The following TRAK2 variants were observed in gnomAD, a reference collection of about 807,000 sequenced individuals.
TRAK2 encodes trafficking kinesin protein 2, also known as trafficking kinesin-binding protein 2.
In TRAK2, 81 loss-of-function variants were observed where a neutral mutation model predicts 104.6. The observed-to-expected ratio is 0.77, with a 90% CI of 0.65 to 0.93. The LOEUF (loss-of-function observed/expected upper bound fraction) is 0.93, where lower values mean the gene tolerates loss of function less well. Among genes scored for constraint, TRAK2 ranks in the 40% least tolerant of loss-of-function variants. The pLI is 0.00. For synonymous variants in TRAK2, 406 were observed against 394.4 expected (o/e 1.03, Z -0.35); for missense variants, 1,002 against 1,089.0 (o/e 0.92, Z 1.12).
chr2:201,380,341 C>A lies in TRAK2; in HGVS notation c.*202G>T. On this transcript the variant is annotated 3_prime_UTR_variant, in exon 16 of 16. Coordinates refer to ENST00000332624, the MANE Select transcript of TRAK2 (RefSeq NM_015049.3). ...TTTTCTCCCTCTGAACACTCATGGC[C>A]CATTCATTTATACTTTCAATTTGCC... 1 of 609,994 alleles carries A rather than the reference C, an allele frequency of 1.6e-6. No individual in the cohort carries two copies. 37.8% of individuals were successfully genotyped at this position (609,994 alleles called of 1,614,324 possible). A position where few individuals can be genotyped will look rare whatever the true frequency, so the allele number is the denominator to read the frequency against.
chr2:201,392,442 T>A (rs1951456769), intron 10 of TRAK2, among the ~76,000 whole-genome samples: 1 of 152,178 alleles, frequency 6.6e-6, no homozygotes, highest in African/African-American at 2.4e-5. Flanking sequence ...TTTTTATTAA[T>A]TTTTTAATAC....
intron 7 of TRAK2, among the ~76,000 whole-genome samples, chr2:201,396,292 T>C (rs1407242559): frequency 6.6e-6 from 1 of 152,246 alleles, no homozygotes; most frequent in East Asian, 1.9e-4. Flanking sequence ...GTTTTCATGG[T>C]GGAGGAGAAA....
chr2:201,432,472 G>A (rs1951849800), intron 1 of TRAK2, among the ~76,000 whole-genome samples: 2 of 152,182 alleles, frequency 1.3e-5, no homozygotes, highest in South Asian at 4.1e-4. Flanking sequence ...TTAACAAGAA[G>A]CCAGCCTTTG....
chr2:201,425,394 G>T (rs10931946), intron 1 of TRAK2, among the ~76,000 whole-genome samples: 74,156 of 151,922 alleles, frequency 0.49, 19,617 homozygotes, highest in South Asian at 0.63. Context: ...TTCTAAGAAA[G>T]CATTTATTTA....
At chr2:201,398,521 C>T (rs1323699620) in intron 5 of TRAK2, among the ~76,000 whole-genome samples, 167 bp from the exon 6 acceptor site, 1 of 152,042 alleles carries the variant, frequency 6.6e-6, no homozygotes, top group Non-Finnish European at 1.5e-5. Context: ...GAATAACAAA[C>T]CCCAGATACC....
chr2:201,423,120 G>GCT (rs1951757749), intron 1 of TRAK2, among the ~76,000 whole-genome samples: 3 of 147,754 alleles, frequency 2.0e-5, no homozygotes, highest in Non-Finnish European at 4.5e-5. Flanking sequence ...TGTCACCCAG[G>GCT]CTGGTGTGCA....
At chr2:201,449,013 C>T (rs2125665986) in intron 1 of TRAK2, among the ~76,000 whole-genome samples, 1 of 152,276 alleles carries the variant, frequency 6.6e-6, no homozygotes, top group African/African-American at 2.4e-5. Context: ...TGCAGACTCA[C>T]AAAACCTGTA....
At chr2:201,424,434 T>C (rs1353536809) in intron 1 of TRAK2, among the ~76,000 whole-genome samples, 6 of 152,300 alleles carry the variant, frequency 3.9e-5, no homozygotes, top group East Asian at 3.9e-4. Context: ...AATGTGCTAG[T>C]GTATAACCGG....
chr2:201,393,109 C>G, intron 9 of TRAK2, 63 bp from the exon 10 acceptor site: 3 of 1,511,884 alleles, frequency 2.0e-6, no homozygotes, highest in Non-Finnish European at 2.7e-6. Context: ...GAAAAAAAAC[C>G]CGAAACCTTT....
intron 2 of TRAK2, 78 bp from the exon 3 acceptor site, chr2:201,407,675 A>G (rs1576518950): frequency 1.5e-6 from 2 of 1,340,544 alleles, no homozygotes. Context: ...GATGAAAATT[A>G]GTTTTTCTAA....
chr2:201,448,363 C>G (rs191076985), intron 1 of TRAK2, among the ~76,000 whole-genome samples: 406 of 152,302 alleles, frequency 2.7e-3, no homozygotes, highest in African/African-American at 9.0e-3. Flanking sequence ...AGTTGCCTAT[C>G]TATAAAAACA....
intron 1 of TRAK2, among the ~76,000 whole-genome samples, chr2:201,427,684 C>T (rs1951802383): frequency 6.6e-6 from 1 of 152,128 alleles, no homozygotes; most frequent in Admixed American, 6.5e-5. Flanking sequence ...TGGGTATATA[C>T]CCAGTAATGG....
chr2:201,396,325 T>G (rs780950562), intron 7 of TRAK2, among the ~76,000 whole-genome samples: 2 of 152,132 alleles, frequency 1.3e-5, no homozygotes, highest in East Asian at 3.8e-4. Flanking sequence ...TTCCTTCCGG[T>G]TCTCTAGTAT....
At chr2:201,440,102 TAAA>T (rs1451873130) in intron 1 of TRAK2, among the ~76,000 whole-genome samples, 2 of 151,604 alleles carry the variant, frequency 1.3e-5, no homozygotes, top group African/African-American at 2.4e-5. Context: ...AAGTGCCTCT[TAAA>T]GAAGAAAAAA....
intron 1 of TRAK2, among the ~76,000 whole-genome samples, chr2:201,441,728 G>T (rs1346060062): frequency 1.4e-5 from 2 of 144,862 alleles, no homozygotes. Flanking sequence ...GTCTTGCTCT[G>T]TCGACCAGGC....
At chr2:201,416,453 T>A (rs1409996580) in intron 2 of TRAK2, among the ~76,000 whole-genome samples, 1 of 151,976 alleles carries the variant, frequency 6.6e-6, no homozygotes, top group Non-Finnish European at 1.5e-5. Flanking sequence ...ACTATGGCTA[T>A]TCATTGCCAG....
chr2:201,413,492 A>G (rs1332108891), intron 2 of TRAK2, among the ~76,000 whole-genome samples: 1 of 152,020 alleles, frequency 6.6e-6, no homozygotes, highest in African/African-American at 2.4e-5. Context: ...GGGAGGGGGG[A>G]AAAGACTGAA....
chr2:201,399,336 C>A (rs1388440862), intron 5 of TRAK2, 41 bp downstream of exon 5: 19 of 1,397,460 alleles, frequency 1.4e-5, no homozygotes, highest in Non-Finnish European at 1.9e-5. Context: ...TTGCATAAAA[C>A]CTAATTATTT....
chr2:201,393,407 C>G (rs1391339263), intron 9 of TRAK2, among the ~76,000 whole-genome samples: 1 of 152,096 alleles, frequency 6.6e-6, no homozygotes, highest in African/African-American at 2.4e-5. Flanking sequence ...TCTTTTTAAA[C>G]ATCACTCTGA....
Sources: allele counts gnomAD v4.1 joint callset (sites outside exome capture counted in the v4.1 genomes callset), GRCh38; gene constraint gnomAD v4.1.1; transcripts MANE v1.5; gene names NCBI Gene and HGNC (gene_info 2026-07-23, HGNC 2026-07-21).